Variants in CUL4A observed in about 807,000 individuals in gnomAD.
CUL4A encodes cullin-4A.
Under a neutral mutation model 95.5 loss-of-function variants are expected in CUL4A, and 16 were observed. The ratio of observed to expected loss-of-function variants is 0.17; its 90% CI spans 0.11 to 0.25. The LOEUF is 0.25. CUL4A is among the 10% of genes least tolerant of loss of function. The pLI is 1.00. For missense variants in CUL4A, 610 were observed against 937.0 expected (o/e 0.65, Z 4.56); for synonymous variants, 380 against 353.1 (o/e 1.08, Z -0.85).
intron 15 of CUL4A, among the ~76,000 whole-genome samples, chr13:113,248,570 CT>C (rs2041914332): frequency 6.6e-6 from 1 of 151,874 alleles, no homozygotes; most frequent in South Asian, 2.1e-4. Flanking sequence ...TTCAAGTTAC[CT>C]TTTTAAAGCG....
intron 18 of CUL4A, among the ~76,000 whole-genome samples, chr13:113,258,991 T>C (rs2042202023): frequency 6.6e-6 from 1 of 152,226 alleles, no homozygotes; most frequent in Non-Finnish European, 1.5e-5. Context: ...AATGCTGATA[T>C]CTTATAAAGG....
intron 3 of CUL4A, among the ~76,000 whole-genome samples, chr13:113,227,222 A>G (rs1411552046): frequency 2.6e-5 from 4 of 152,224 alleles, no homozygotes; most frequent in African/African-American, 9.6e-5. Flanking sequence ...ACAAAACACC[A>G]TAGAGTGTGG....
chr13:113,243,210 C>T, intron 11 of CUL4A, 50 bp downstream of exon 11: 1 of 1,521,454 alleles, frequency 6.6e-7, no homozygotes, highest in Non-Finnish European at 9.0e-7. Flanking sequence ...GACAGTCTCA[C>T]CCATTTCTAG....
intron 2 of CUL4A, among the ~76,000 whole-genome samples, chr13:113,213,507 C>T (rs1296990447): frequency 1.3e-5 from 2 of 152,208 alleles, no homozygotes; most frequent in Non-Finnish European, 2.9e-5. Flanking sequence ...CCTGAACTCT[C>T]AGAGGTCTTT....
intron 5 of CUL4A, 159 bp downstream of exon 5, chr13:113,229,678 G>T: frequency 4.9e-6 from 3 of 613,162 alleles, no homozygotes. Context: ...GTCCAGGTGG[G>T]TCTTAGCCTT....
intron 10 of CUL4A, among the ~76,000 whole-genome samples, chr13:113,240,617 C>T (rs946844656): frequency 6.6e-6 from 1 of 152,048 alleles, no homozygotes; most frequent in Non-Finnish European, 1.5e-5. Flanking sequence ...AAAGAAAAGC[C>T]AATCACAGAT....
chr13:113,244,303 G>A (rs2041800192), intron 11 of CUL4A, 107 bp from the exon 12 acceptor site: 3 of 763,978 alleles, frequency 3.9e-6, no homozygotes, highest in Non-Finnish European at 6.4e-6. Flanking sequence ...TTGTCATATA[G>A]TCATTTTGGG....
intron 18 of CUL4A, among the ~76,000 whole-genome samples, chr13:113,258,909 C>G (rs2042200467): frequency 6.6e-6 from 1 of 152,182 alleles, no homozygotes; most frequent in African/African-American, 2.4e-5. Flanking sequence ...CACAGCTGGA[C>G]CCTCTGAAGA....
chr13:113,239,404 A>G, intron 9 of CUL4A, 29 bp from the exon 10 acceptor site: 1 of 1,571,578 alleles, frequency 6.4e-7, no homozygotes. Context: ...CCCATGCTGT[A>G]CTCTGCTGAC....
Position 113,245,226 on chromosome 13 carries a change from C to A in CUL4A, c.1519C>A (p.His507Asn). Reference protein sequence around the residue: ...DMELSKDIMVHFKQHMQNQSD... With the variant: ...DMELSKDIMVNFKQHMQNQSD... ...GGAGCTTTCGAAGGACATCATGGTT[C>A]ATTTCAAGCAGGTGAGTTGTGTTTC... is the stretch of plus-strand genomic sequence containing the variant. Residue 507 changes from histidine to asparagine, a missense_variant, in exon 14 of 20, where the codon CAT (histidine) becomes AAT (asparagine). Physicochemically the swap from His to Asn is moderately conservative, Grantham distance 68 (BLOSUM62 1). Coordinates refer to ENST00000375440, the MANE Select transcript of CUL4A (RefSeq NM_001008895.4). 1 of 1,614,100 alleles carries A rather than the reference C, an allele frequency of 6.2e-7. No individual in the cohort carries two copies. Among genetic ancestry groups the A allele is most frequent in the Non-Finnish European group, 8.5e-7 (1 of 1,179,964 alleles).
At chr13:113,234,886 T>A (rs2041487052) in intron 7 of CUL4A, among the ~76,000 whole-genome samples, 177 bp from the exon 8 acceptor site, 1 of 152,142 alleles carries the variant, frequency 6.6e-6, no homozygotes. Context: ...TTTCTCCATG[T>A]CCCCCACACA....
intron 10 of CUL4A, 147 bp downstream of exon 10, chr13:113,239,698 G>A: frequency 3.4e-6 from 2 of 596,498 alleles, no homozygotes; most frequent in South Asian, 2.2e-5. Flanking sequence ...AGGGTGGACA[G>A]TAGGCTTCCA....
intron 15 of CUL4A, among the ~76,000 whole-genome samples, chr13:113,251,770 G>A (rs1165657093): frequency 6.6e-6 from 1 of 152,180 alleles, no homozygotes; most frequent in Non-Finnish European, 1.5e-5. Context: ...ACAGCCTGCA[G>A]AACTGTGAGC....
chr13:113,260,311 G>A (rs111864659), intron 18 of CUL4A, among the ~76,000 whole-genome samples: 2,458 of 151,478 alleles, frequency 0.016, 77 homozygotes, highest in African/African-American at 0.057. Flanking sequence ...AGCACTTTGG[G>A]AGGCCAAGGT....
chr13:113,254,913 G>A (rs754291976), intron 17 of CUL4A, 40 bp from the exon 18 acceptor site: 18 of 1,606,502 alleles, frequency 1.1e-5, no homozygotes, highest in Admixed American at 6.9e-5. Flanking sequence ...AGTCTCATTC[G>A]TTTAACGCCA....
intron 9 of CUL4A, among the ~76,000 whole-genome samples, chr13:113,237,223 C>T (rs1038240268): frequency 1.3e-5 from 2 of 152,182 alleles, no homozygotes; most frequent in African/African-American, 2.4e-5. Context: ...TGTGTCCGGC[C>T]GTTCTTCATG....
At chr13:113,217,018 A>G (rs1231206180) in intron 2 of CUL4A, among the ~76,000 whole-genome samples, 7 of 152,262 alleles carry the variant, frequency 4.6e-5, no homozygotes. Flanking sequence ...CATAGGAGGC[A>G]GAGTGGGTTA....
intron 19 of CUL4A, among the ~76,000 whole-genome samples, chr13:113,262,122 G>A (rs1177976311): frequency 4.6e-5 from 7 of 152,174 alleles, no homozygotes; most frequent in African/African-American, 1.7e-4. Context: ...TGAATAGAAG[G>A]TGAAGTTTGT....
intron 3 of CUL4A, among the ~76,000 whole-genome samples, chr13:113,224,169 G>A (rs1049747732): frequency 1.2e-4 from 18 of 152,142 alleles, no homozygotes; most frequent in Non-Finnish European, 1.2e-4. Context: ...TGGCTAACAC[G>A]GTGAAACCCC....
Sources: allele counts gnomAD v4.1 joint callset (sites outside exome capture counted in the v4.1 genomes callset), GRCh38; gene constraint gnomAD v4.1.1; transcripts MANE v1.5; gene names NCBI Gene and HGNC (gene_info 2026-07-23, HGNC 2026-07-21).